CCDC150: variants seen among roughly 807,000 people sequenced by gnomAD.
CCDC150 encodes the protein coiled-coil domain containing 150.
Under a neutral mutation model 156.5 loss-of-function variants are expected in CCDC150, and 151 were observed. The observed-to-expected ratio is 0.97, with a 90% CI of 0.85 to 1.10. The LOEUF (loss-of-function observed/expected upper bound fraction) is 1.10, where lower values mean the gene tolerates loss of function less well. Among genes scored for constraint, CCDC150 ranks in the 50% least tolerant of loss-of-function variants. The pLI is 0.00. For synonymous variants in CCDC150, 452 were observed against 429.4 expected, an observed-to-expected ratio of 1.05 and a Z score of -0.65; for missense variants, 1,312 against 1,268.1, an observed-to-expected ratio of 1.03 and a Z score of -0.53.
chr2:196,644,044 A>G (rs976703773), intron 1 of CCDC150, among the ~76,000 whole-genome samples: 1 of 152,084 alleles, frequency 6.6e-6, no homozygotes, highest in African/African-American at 2.4e-5. Flanking sequence ...TACCTGACTG[A>G]TGGAACGCTC....
At position 196,701,181 on chromosome 2, in the gene CCDC150, G is replaced by C. The variant is rs745939676; in HGVS notation, c.1695+1G>C. 1.3e-6 allele frequency: 2 copies of C among 1,569,660 alleles called. No homozygotes were observed. Among genetic ancestry groups the C allele is most frequent in the Non-Finnish European group, 1.7e-6 (2 of 1,153,546 alleles). On this transcript the variant is annotated splice_donor_variant, in intron 15 of 27. Coordinates refer to ENST00000389175, the MANE Select transcript of CCDC150 (RefSeq NM_001080539.2). LOFTEE classifies it high-confidence loss of function. ...GGCCTATGAAAACGGAAAACTCCAG[G>C]TATGAGATTTATTTTCTGATTTTTC...
chr2:196,674,932 G>C (rs952409242), intron 10 of CCDC150, among the ~76,000 whole-genome samples: 1 of 151,976 alleles, frequency 6.6e-6, no homozygotes, highest in Non-Finnish European at 1.5e-5. Context: ...TCCTTTAATT[G>C]TAGCAGCCAT....
intron 15 of CCDC150, among the ~76,000 whole-genome samples, chr2:196,701,455 G>C (rs1448870937): frequency 6.6e-6 from 1 of 152,174 alleles, no homozygotes; most frequent in Non-Finnish European, 1.5e-5. Context: ...TGAGAATGTA[G>C]AAAGCCTATA....
chr2:196,672,474 T>C, intron 9 of CCDC150, 37 bp downstream of exon 9: 1 of 1,169,312 alleles, frequency 8.6e-7, no homozygotes, highest in Admixed American at 3.7e-5. Flanking sequence ...TTAGATGTTA[T>C]TTAATTTTGT....
At chr2:196,730,365 A>G (rs191037535) in intron 25 of CCDC150, among the ~76,000 whole-genome samples, 3 of 152,370 alleles carry the variant, frequency 2.0e-5, no homozygotes, top group Non-Finnish European at 2.9e-5. Flanking sequence ...TAGAGCTTAC[A>G]TATGCAAAGT....
intron 14 of CCDC150, among the ~76,000 whole-genome samples, chr2:196,697,489 A>T (rs1695908270): frequency 6.6e-6 from 1 of 152,168 alleles, no homozygotes; most frequent in African/African-American, 2.4e-5. Flanking sequence ...CATATATTTT[A>T]AAATTGTAGC....
At chr2:196,680,800 T>C (rs1694773225) in intron 13 of CCDC150, among the ~76,000 whole-genome samples, 1 of 152,234 alleles carries the variant, frequency 6.6e-6, no homozygotes. Context: ...ACTGCCAAAC[T>C]CTTTTCCAAA....
intron 17 of CCDC150, among the ~76,000 whole-genome samples, chr2:196,715,970 C>T (rs912461754): frequency 2.0e-5 from 3 of 152,122 alleles, no homozygotes; most frequent in African/African-American, 4.8e-5. Context: ...TGATTAAGGC[C>T]TTGTTTCCAG....
At chr2:196,695,837 A>G (rs980227621) in intron 14 of CCDC150, among the ~76,000 whole-genome samples, 2 of 152,104 alleles carry the variant, frequency 1.3e-5, no homozygotes, top group East Asian at 1.9e-4. Context: ...ATCTTCTCCA[A>G]GTAAAGGGGA....
In CCDC150 at chr2:196,656,755, T is replaced by C. The variant is rs1434941949; in HGVS notation, c.299T>C (p.Leu100Pro). Reference protein sequence around the residue: ...TDILWKNCEFLVNRMCRLESL... With the variant: ...TDILWKNCEFPVNRMCRLESL... The stretch of plus-strand genomic sequence containing the variant: ...ATTTTATGGAAGAACTGTGAGTTTC[T>C]GGTAAATCGAATGTGCCGTCTTGAA... Residue 100 changes from leucine (L) to proline (P), a missense_variant, in exon 3 of 28, where the codon CTG (leucine) becomes CCG (proline). Coordinates refer to ENST00000389175, the MANE Select transcript of CCDC150 (RefSeq NM_001080539.2). The C allele has an allele frequency of 3.1e-6, 5 of 1,613,794 alleles. No individual in the cohort carries two copies. Among genetic ancestry groups the C allele is most frequent in the Non-Finnish European group, 4.2e-6 (5 of 1,179,828 alleles).
At chr2:196,712,402 A>G in intron 16 of CCDC150, 150 bp downstream of exon 16, 2 of 575,468 alleles carry the variant, frequency 3.5e-6, no homozygotes, top group South Asian at 2.8e-5. Context: ...TCAAGCACCT[A>G]GTACATACAA....
At chr2:196,717,408 A>G (rs1697591276) in intron 17 of CCDC150, among the ~76,000 whole-genome samples, 1 of 152,184 alleles carries the variant, frequency 6.6e-6, no homozygotes, top group Non-Finnish European at 1.5e-5. Flanking sequence ...TGTAAATAGG[A>G]TAAAATTGCA....
chr2:196,657,446 C>A, intron 4 of CCDC150: 1 of 237,678 alleles, frequency 4.2e-6, no homozygotes, highest in Non-Finnish European at 8.2e-6. Flanking sequence ...GAACAAGCTA[C>A]AGCATGAGAA....
intron 13 of CCDC150, among the ~76,000 whole-genome samples, chr2:196,684,172 A>C (rs762283952): frequency 1.4e-4 from 22 of 152,072 alleles, no homozygotes; most frequent in Non-Finnish European, 2.9e-4. Flanking sequence ...TAAAAAAATA[A>C]AAAATAAGTT....
intron 5 of CCDC150, among the ~76,000 whole-genome samples, chr2:196,660,742 T>G (rs1271627635): frequency 6.6e-6 from 1 of 152,208 alleles, no homozygotes; most frequent in African/African-American, 2.4e-5. Context: ...TATTTTCCCC[T>G]GCTCTATAGC....
chr2:196,666,788 C>T lies in CCDC150; in HGVS notation c.832C>T (p.Gln278Ter). The T allele has an allele frequency of 6.2e-7, 1 of 1,611,524 alleles. No individual in the cohort carries two copies. The highest frequency in any genetic ancestry group is 8.5e-7 in the Non-Finnish European group (1 of 1,179,004). The change falls in exon 7 of 28, where the codon CAG becomes TAG. Residue 278 changes from glutamine (Q) to a stop codon, truncating the protein, a stop_gained. Transcript: ENST00000389175. LOFTEE classifies it high-confidence loss of function. The part of the protein sequence containing the change: ...SIQSAQELLA[Q>*]EQKKKEELEI... ...ACAGAGCGCTCAAGAACTACTGGCC[C>T]AGGAACAAAAAAAAAAAGAAGAGTT...
chr2:196,697,308 G>T (rs534883079), intron 14 of CCDC150, among the ~76,000 whole-genome samples: 112 of 150,978 alleles, frequency 7.4e-4, no homozygotes, highest in African/African-American at 2.1e-3. Flanking sequence ...GGTTTTTTTT[G>T]TTGTTGTTGT....
At chr2:196,714,057 T>C (rs996694648) in intron 17 of CCDC150, among the ~76,000 whole-genome samples, 1 of 152,180 alleles carries the variant, frequency 6.6e-6, no homozygotes, top group African/African-American at 2.4e-5. Context: ...AGAAAACTTA[T>C]TAGAGCATTC....
chr2:196,709,515 C>G (rs1295344794), intron 15 of CCDC150, among the ~76,000 whole-genome samples: 1 of 152,182 alleles, frequency 6.6e-6, no homozygotes, highest in Non-Finnish European at 1.5e-5. Flanking sequence ...GTCAGGTAGT[C>G]AAAGTCATTC....
Sources: gnomAD v4.1 joint callset for allele counts (sites outside exome capture counted in the v4.1 genomes callset) on GRCh38, gnomAD v4.1.1 for gene constraint, MANE v1.5 for transcripts, NCBI Gene and HGNC (gene_info 2026-07-23, HGNC 2026-07-21) for gene names.